Variants in ZNF607 observed in about 807,000 individuals in gnomAD.
The protein encoded by ZNF607 is zinc finger protein 607.
ZNF607 carries 5 observed loss-of-function variants against 12.8 expected under a neutral mutation model. The ratio of observed to expected loss-of-function variants is 0.39; its 90% confidence interval spans 0.20 to 0.82. The LOEUF (loss-of-function observed/expected upper bound fraction) is 0.82, where lower values mean the gene tolerates loss of function less well. Among genes scored for constraint, ZNF607 ranks in the 40% least tolerant of loss-of-function variants. The pLI is 0.39. For synonymous variants in ZNF607, 287 were observed against 276.2 expected (o/e 1.04, Z -0.39); for missense variants, 851 against 859.2 (o/e 0.99, Z 0.12).
chr19:37,700,019 T>A, intron 4 of ZNF607, 124 bp from the exon 5 acceptor site: 1 of 947,480 alleles, frequency 1.1e-6, no homozygotes, highest in Non-Finnish European at 1.5e-6. Context: ...ATATAAAAAA[T>A]GAAAGGAGAG....
At chr19:37,707,639 C>T (rs62108344) in intron 4 of ZNF607, among the ~76,000 whole-genome samples, 32,500 of 151,888 alleles carry the variant, frequency 0.21, 3,629 homozygotes, top group Non-Finnish European at 0.25. Context: ...TGGTGGTATG[C>T]ACTTGTGGTC....
intron 1 of ZNF607, among the ~76,000 whole-genome samples, chr19:37,714,532 C>A (rs973491103): frequency 6.8e-6 from 1 of 147,844 alleles, no homozygotes; most frequent in Non-Finnish European, 1.5e-5. Context: ...CCACTGCACT[C>A]CAGCCTGGAT....
Position 37,699,817 on chromosome 19 carries a change from T to A in ZNF607, c.314A>T (p.Gln105Leu), listed in dbSNP as rs763355168. The A allele has an allele frequency of 6.2e-7, 1 of 1,613,806 alleles. No homozygotes were observed. The highest frequency in any genetic ancestry group is 8.5e-7 in the Non-Finnish European group (1 of 1,179,956). Reference sequence around the variant, plus strand: ...TGGTTTCTGTCCATTATGAATTCTCTGATGGAGAGTAACACATGAGTGTTT... The same window carrying A: ...TGGTTTCTGTCCATTATGAATTCTCAGATGGAGAGTAACACATGAGTGTTT... ...YRKHSCVTLH[Q>L]RIHNGQKPYE... is the part of the protein sequence containing the mutation. Residue 105 changes from glutamine to leucine, a missense_variant, in exon 5 of 5, where the codon CAG becomes CTG. Physicochemically the swap from Gln to Leu is moderately radical, Grantham distance 113. Coordinates refer to ENST00000355202, the MANE Select transcript of ZNF607 (RefSeq NM_032689.5).
In ZNF607 at chr19:37,709,807, C is replaced by T. The variant is rs570323220; in HGVS notation, c.25G>A (p.Gly9Arg). 8.7e-6 allele frequency: 14 copies of T among 1,613,530 alleles called. No homozygotes were observed. Among genetic ancestry groups the T allele is most frequent in the Middle Eastern group, 1.7e-4 (1 of 6,058 alleles). Residue 9 changes from glycine to arginine, a missense_variant, in exon 3 of 5, where the codon GGG becomes AGG. By Grantham distance (125) the Gly-to-Arg change is moderately radical. Coordinates refer to ENST00000355202, the MANE Select transcript of ZNF607 (RefSeq NM_032689.5). ...TGAGAGAAGTCTATGGCCACATCCC[C>T]GAATGTTATTGATCCCTGAAACAGC... is the stretch of plus-strand genomic sequence containing the variant. MSYGSITF[G>R]DVAIDFSHQE...
At chr19:37,710,296 C>T (rs1396198124) in intron 2 of ZNF607, among the ~76,000 whole-genome samples, 1 of 151,654 alleles carries the variant, frequency 6.6e-6, no homozygotes, top group Non-Finnish European at 1.5e-5. Flanking sequence ...GAAACCCTGT[C>T]TCTACTAAAA....
At chr19:37,719,014 C>T (rs577169644) in intron 1 of ZNF607, 2 of 152,352 alleles carry the variant, frequency 1.3e-5, no homozygotes, top group Middle Eastern at 3.4e-3. Context: ...ATCTATCATA[C>T]CTTTCTTAAG....
At chr19:37,702,140 A>G (rs1568403992) in intron 4 of ZNF607, among the ~76,000 whole-genome samples, 1 of 152,046 alleles carries the variant, frequency 6.6e-6, no homozygotes, top group Non-Finnish European at 1.5e-5. Flanking sequence ...ACAAAAAATT[A>G]GCTGGGCATG....
At position 37,706,632 on chromosome 19, in the gene ZNF607, C is replaced by CGATTAGCACTCT. The variant is rs1301426346; in HGVS notation, c.235+1270_235+1281dup. Reference sequence around the variant, plus strand: ...AGAGGGGACGCTTTCTGTAATCTTACGATTAGCACTCTCTTCCCCACCGTG... The same window carrying CGATTAGCACTCT: ...AGAGGGGACGCTTTCTGTAATCTTACGATTAGCACTCTGATTAGCACTCTCTTCCCCACCGTG... On this transcript the variant is annotated intron_variant, in intron 4 of 4. Transcript: ENST00000355202. 2.0e-5 allele frequency: 3 copies of CGATTAGCACTCT among 152,148 alleles called. No homozygotes were observed. The East Asian group carries it at 5.8e-4, about 29-fold the overall frequency. 9.4% of individuals were successfully genotyped at this position (152,148 alleles called of 1,614,324 possible).
At chr19:37,705,780 A>C (rs1037344117) in intron 4 of ZNF607, among the ~76,000 whole-genome samples, 1 of 152,108 alleles carries the variant, frequency 6.6e-6, no homozygotes, top group African/African-American at 2.4e-5. Context: ...GAAAATCTGA[A>C]AAAGAAAAAA....
intron 1 of ZNF607, among the ~76,000 whole-genome samples, chr19:37,714,849 C>T (rs1313947782): frequency 6.6e-6 from 1 of 152,116 alleles, no homozygotes; most frequent in Non-Finnish European, 1.5e-5. Flanking sequence ...AAAAATACCA[C>T]ATGCTCATTA....
intron 1 of ZNF607, among the ~76,000 whole-genome samples, chr19:37,712,420 A>C (rs1208923285): frequency 3.9e-5 from 6 of 152,174 alleles, no homozygotes; most frequent in African/African-American, 1.4e-4. Flanking sequence ...CTGAGGCGAG[A>C]GGATCACTTG....
rs1209387139 is a variant in ZNF607, at chr19:37,719,734, C to G, written c.-540G>C. The G allele has an allele frequency of 6.6e-6, 1 of 152,360 alleles. No homozygotes were observed. The highest frequency in any genetic ancestry group is 1.5e-5 in the Non-Finnish European group (1 of 68,142). The allele number at this position is 152,360 out of a possible 1,614,324, so 9.4% of individuals were successfully genotyped here. ...TGGACCGCGCCTCCCACCCACCGCT[C>G]GAGCCCCGGAGACTTCTGGGAGTGG... On this transcript the variant is annotated 5_prime_UTR_variant, in exon 1 of 5. Coordinates refer to ENST00000355202, the MANE Select transcript of ZNF607 (RefSeq NM_032689.5).
Position 37,698,125 on chromosome 19 carries a change from C to G in ZNF607, c.2006G>C (p.Gly669Ala), listed in dbSNP as rs2044993080. 2.5e-6 allele frequency: 4 copies of G among 1,614,078 alleles called. No individual in the cohort carries two copies. In the East Asian group the frequency reaches 8.9e-5, roughly 36 times the overall value. Residue 669 changes from glycine to alanine, a missense_variant, in exon 5 of 5, where the codon GGT becomes GCT. Coordinates refer to ENST00000355202, the MANE Select transcript of ZNF607 (RefSeq NM_032689.5). ...ELSIHHRVHTGEKPFKCNKCR... is the reference protein window; with the variant it reads ...ELSIHHRVHTAEKPFKCNKCR... Reference sequence around the variant, plus strand: ...TTTGTTACATTTAAAGGGTTTCTCACCAGTATGAACTCTATGATGTATACT... The same window carrying G: ...TTTGTTACATTTAAAGGGTTTCTCAGCAGTATGAACTCTATGATGTATACT...
rs1555733726 is a variant in ZNF607, at chr19:37,698,692, T to G, written c.1439A>C (p.Gln480Pro). 1 of 1,613,362 alleles carries G rather than the reference T, an allele frequency of 6.2e-7. No homozygotes were observed. The highest frequency in any genetic ancestry group is 1.1e-5 in the South Asian group (1 of 91,068). The change falls in exon 5 of 5, where the codon CAA (glutamine) becomes CCA (proline). Residue 480 changes from glutamine to proline, a missense_variant. Physicochemically the swap from Gln to Pro is moderately conservative, Grantham distance 76. Transcript: ENST00000355202. ...IHTGEKPYVC[Q>P]ECGKGFSYSH... Reference sequence around the variant, plus strand: ...ATAACTAAAACCCTTCCCACACTCTTGACATACATAGGGTTTCTCTCCTGT... The same window carrying G: ...ATAACTAAAACCCTTCCCACACTCTGGACATACATAGGGTTTCTCTCCTGT...
chr19:37,718,252 T>C (rs935331423), intron 1 of ZNF607, among the ~76,000 whole-genome samples: 7 of 152,206 alleles, frequency 4.6e-5, no homozygotes, highest in Admixed American at 1.3e-4. Flanking sequence ...AAAACTTAAA[T>C]TCTGGCTCAC....
At chr19:37,716,692 G>C (rs1473568035) in intron 1 of ZNF607, among the ~76,000 whole-genome samples, 3 of 152,118 alleles carry the variant, frequency 2.0e-5, no homozygotes, top group African/African-American at 7.2e-5. Flanking sequence ...AGGGAGGTTT[G>C]GGTTATTCTA....
In ZNF607 at chr19:37,696,786, G is replaced by T; in HGVS notation, c.*1254C>A. 1.5e-6 allele frequency: 2 copies of T among 1,344,314 alleles called. No individual in the cohort carries two copies. The highest frequency in any genetic ancestry group is 2.1e-6 in the Non-Finnish European group (2 of 942,458). The allele number at this position is 1,344,314 out of a possible 1,614,324, so 83.3% of individuals were successfully genotyped here. ...TGGCGATCAGCTCAGCTGCCTTGGA[G>T]TCACCCTCAGCAGAGATGATGGCCG... is the stretch of plus-strand genomic sequence containing the variant. On this transcript the variant is annotated 3_prime_UTR_variant, in exon 5 of 5. Coordinates refer to ENST00000355202, the MANE Select transcript of ZNF607 (RefSeq NM_032689.5).
intron 1 of ZNF607, among the ~76,000 whole-genome samples, chr19:37,718,010 TAA>T (rs1250119096): frequency 6.6e-6 from 1 of 152,114 alleles, no homozygotes; most frequent in African/African-American, 2.4e-5. Flanking sequence ...ACCATTCCCA[TAA>T]TCTCGTTCAT....
intron 3 of ZNF607, 120 bp downstream of exon 3, chr19:37,709,576 T>C: frequency 3.4e-6 from 4 of 1,161,484 alleles, no homozygotes; most frequent in Admixed American, 2.5e-5. Context: ...TCAATAGAAA[T>C]AGAGAAAATA....
Sources: gnomAD v4.1 joint callset for allele counts (sites outside exome capture counted in the v4.1 genomes callset) on GRCh38, gnomAD v4.1.1 for gene constraint, MANE v1.5 for transcripts, NCBI Gene and HGNC (gene_info 2026-07-23, HGNC 2026-07-21) for gene names.